RASAL2: variants seen among roughly 807,000 people sequenced by gnomAD.
RASAL2 encodes RAS protein activator like 2.
A neutral mutation model predicts 128.9 loss-of-function variants in RASAL2; 58 were observed. The ratio of observed to expected loss-of-function variants is 0.45; its 90% CI spans 0.36 to 0.56. RASAL2 has a LOEUF of 0.56. Among genes scored for constraint, RASAL2 ranks in the 20% least tolerant of loss-of-function variants. RASAL2 has a pLI of 0.00. For missense variants in RASAL2, 1,360 were observed against 1,601.6 expected (o/e 0.85, Z 2.57); for synonymous variants, 561 against 580.8 (o/e 0.97, Z 0.49).
At chr1:178,334,119 A>G (rs978767011) in intron 3 of RASAL2, among the ~76,000 whole-genome samples, 1 of 152,172 alleles carries the variant, frequency 6.6e-6, no homozygotes, top group Non-Finnish European at 1.5e-5. Context: ...TTTTCTGGGT[A>G]TAATACCTAA....
At chr1:178,192,124 C>T (rs1186812682) in intron 1 of RASAL2, among the ~76,000 whole-genome samples, 1 of 152,088 alleles carries the variant, frequency 6.6e-6, no homozygotes, top group Admixed American at 6.6e-5. Flanking sequence ...TAATTTTTAA[C>T]AGTGAGGGGG....
chr1:178,185,118 T>C (rs1018051436), intron 1 of RASAL2, among the ~76,000 whole-genome samples: 1 of 151,934 alleles, frequency 6.6e-6, no homozygotes, highest in Admixed American at 6.6e-5. Flanking sequence ...TTTGTTTTTT[T>C]TTTTTTAATT....
intron 4 of RASAL2, among the ~76,000 whole-genome samples, chr1:178,406,392 A>G (rs1040394458): frequency 6.6e-6 from 1 of 152,216 alleles, no homozygotes; most frequent in East Asian, 1.9e-4. Context: ...AACAAGTCAT[A>G]TTAGTGGTTT....
At chr1:178,348,403 C>T (rs1436847846) in intron 3 of RASAL2, among the ~76,000 whole-genome samples, 1 of 152,132 alleles carries the variant, frequency 6.6e-6, no homozygotes. Flanking sequence ...GTGATTCTCC[C>T]ACCTCTCAGC....
At chr1:178,425,300 G>A (rs1675446947) in intron 5 of RASAL2, among the ~76,000 whole-genome samples, 2 of 152,142 alleles carry the variant, frequency 1.3e-5, no homozygotes, top group Non-Finnish European at 2.9e-5. Context: ...TAGGAAATAA[G>A]TTTGGAAAGG....
At chr1:178,240,347 A>G (rs1288855789) in intron 1 of RASAL2, among the ~76,000 whole-genome samples, 5 of 152,204 alleles carry the variant, frequency 3.3e-5, no homozygotes, top group African/African-American at 1.2e-4. Flanking sequence ...TGTTTAGCCA[A>G]AAGGAACTTA....
chr1:178,371,142 A>G (rs946323957), intron 3 of RASAL2, among the ~76,000 whole-genome samples: 2 of 151,730 alleles, frequency 1.3e-5, no homozygotes, highest in Admixed American at 1.3e-4. Flanking sequence ...GTAATAAGGT[A>G]TAAACCTGTG....
At chr1:178,314,412 C>T (rs898682338) in intron 3 of RASAL2, among the ~76,000 whole-genome samples, 3 of 152,060 alleles carry the variant, frequency 2.0e-5, no homozygotes, top group East Asian at 1.9e-4. Flanking sequence ...TTTAAAGTAC[C>T]GCAGCTTCCT....
At chr1:178,395,971 C>T (rs1673199248) in intron 4 of RASAL2, among the ~76,000 whole-genome samples, 1 of 151,304 alleles carries the variant, frequency 6.6e-6, no homozygotes, top group South Asian at 2.1e-4. Flanking sequence ...ATTTTAAAAT[C>T]TTCTAATGAT....
At chr1:178,237,837 C>T (rs1664322055) in intron 1 of RASAL2, among the ~76,000 whole-genome samples, 2 of 152,226 alleles carry the variant, frequency 1.3e-5, no homozygotes, top group Admixed American at 1.3e-4. Flanking sequence ...ACTATTTTAT[C>T]TTCACATACT....
chr1:178,322,903 T>C (rs1325208898), intron 3 of RASAL2, among the ~76,000 whole-genome samples: 1 of 152,216 alleles, frequency 6.6e-6, no homozygotes, highest in African/African-American at 2.4e-5. Flanking sequence ...TTCTGGGTTC[T>C]GGCCACATAG....
Position 178,172,746 on chromosome 1 carries a change from A to G in RASAL2, c.202+78052A>G, listed in dbSNP as rs949826440. On this transcript the variant is annotated intron_variant, in intron 1 of 17. Coordinates refer to ENST00000367649, the MANE Select transcript of RASAL2 (RefSeq NM_170692.4). ...ATGAGATAGTGAAGTCCTTGCACCTATGTGTAGAATCATCATAATTGCAGT... is the reference window on the plus strand; with the variant it reads ...ATGAGATAGTGAAGTCCTTGCACCTGTGTGTAGAATCATCATAATTGCAGT... Among the ~76,000 whole-genome samples, 10 of 152,128 alleles carry G rather than the reference A, an allele frequency of 6.6e-5. No individual in the cohort carries two copies. In the East Asian group the frequency reaches 7.7e-4, roughly 12 times the overall value.
intron 4 of RASAL2, among the ~76,000 whole-genome samples, chr1:178,409,489 G>A (rs1335574095): frequency 6.6e-6 from 1 of 152,188 alleles, no homozygotes; most frequent in Non-Finnish European, 1.5e-5. Flanking sequence ...CAGGGAGAAG[G>A]AAGAGAATAT....
chr1:178,312,380 A>G (rs1168228522), intron 3 of RASAL2, among the ~76,000 whole-genome samples: 1 of 152,244 alleles, frequency 6.6e-6, no homozygotes, highest in Admixed American at 6.5e-5. Context: ...GAGAACAATG[A>G]GGAATGCCCT....
intron 3 of RASAL2, among the ~76,000 whole-genome samples, chr1:178,388,738 G>A (rs757396563): frequency 3.9e-5 from 6 of 152,214 alleles, no homozygotes; most frequent in Non-Finnish European, 8.8e-5. Context: ...GTGCATTACT[G>A]GATCTGTGTA....
chr1:178,301,608 T>C (rs1171198718), intron 3 of RASAL2, among the ~76,000 whole-genome samples: 1 of 152,054 alleles, frequency 6.6e-6, no homozygotes, highest in Non-Finnish European at 1.5e-5. Flanking sequence ...AATTTTTGTA[T>C]TTTTAATAGA....
chr1:178,326,443 G>A (rs573040436), intron 3 of RASAL2, among the ~76,000 whole-genome samples: 1 of 152,178 alleles, frequency 6.6e-6, no homozygotes, highest in African/African-American at 2.4e-5. Context: ...AAAATTTATT[G>A]TATACTATTT....
At chr1:178,182,397 T>C (rs1662146240) in intron 1 of RASAL2, among the ~76,000 whole-genome samples, 1 of 152,178 alleles carries the variant, frequency 6.6e-6, no homozygotes, top group Admixed American at 6.5e-5. Context: ...GAGAATAATA[T>C]TAGAAGTCAT....
chr1:178,164,212 A>G (rs1475247224), intron 1 of RASAL2, among the ~76,000 whole-genome samples: 1 of 152,144 alleles, frequency 6.6e-6, no homozygotes, highest in African/African-American at 2.4e-5. Flanking sequence ...AATTAGCTCT[A>G]AGACTCCCAA....
Sources: allele counts gnomAD v4.1 joint callset (sites outside exome capture counted in the v4.1 genomes callset), GRCh38; gene constraint gnomAD v4.1.1; transcripts MANE v1.5; gene names NCBI Gene and HGNC (gene_info 2026-07-23, HGNC 2026-07-21).